RALGPS2: variants seen among roughly 807,000 people sequenced by gnomAD.
RALGPS2 encodes Ral GEF with PH domain and SH3 binding motif 2, also known as ras-specific guanine nucleotide-releasing factor RalGPS2.
A neutral mutation model predicts 86.8 loss-of-function variants in RALGPS2; 43 were observed. The observed-to-expected ratio is 0.50, with a 90% CI of 0.39 to 0.64. The LOEUF is 0.64. RALGPS2 is among the 30% of genes least tolerant of loss of function. The pLI, the probability that RALGPS2 is intolerant of heterozygous loss-of-function variation, is 0.00. For missense variants in RALGPS2, 536 were observed against 694.6 expected, an observed-to-expected ratio of 0.77 and a Z score of 2.57; for synonymous variants, 243 against 231.3, an observed-to-expected ratio of 1.05 and a Z score of -0.46.
At chr1:178,734,735 A>G (rs1481147835) in intron 1 of RALGPS2, among the ~76,000 whole-genome samples, 2 of 152,232 alleles carry the variant, frequency 1.3e-5, no homozygotes, top group Non-Finnish European at 2.9e-5. Flanking sequence ...AATGTTGCAC[A>G]CTAAATGTAA....
At chr1:178,894,914 G>A (rs1659874320) in intron 16 of RALGPS2, among the ~76,000 whole-genome samples, 1 of 151,904 alleles carries the variant, frequency 6.6e-6, no homozygotes, top group Non-Finnish European at 1.5e-5. Context: ...TTAGTATTAA[G>A]TTTAGGTAAA....
chr1:178,788,837 CTTTCTTTCT>C lies in RALGPS2; in HGVS notation c.213+3238_213+3246del, dbSNP rs775858140. ...TCTTTTCTTTTCTTTTGTTTTCTTT[CTTTCTTTCT>C]TTTCTTTTCTTTTCTTTTCTTTTCT... On this transcript the variant is annotated intron_variant, in intron 4 of 19. Transcript: ENST00000367635. Among the ~76,000 whole-genome samples the C allele has an allele frequency of 1.5e-3, 184 of 123,200 alleles. 1 individual carries two copies. The highest frequency in any genetic ancestry group is 5.0e-3 in the African/African-American group (140 of 27,928). The allele number at this position is 123,200 out of a possible 152,430, so 80.8% of individuals were successfully genotyped here.
intron 1 of RALGPS2, among the ~76,000 whole-genome samples, chr1:178,729,093 A>G (rs1174640337): frequency 6.6e-6 from 1 of 152,134 alleles, no homozygotes; most frequent in Non-Finnish European, 1.5e-5. Flanking sequence ...AGTGTGAAAG[A>G]CTTGAATCTC....
intron 4 of RALGPS2, among the ~76,000 whole-genome samples, chr1:178,799,706 C>T (rs911925632): frequency 1.3e-5 from 2 of 152,138 alleles, no homozygotes; most frequent in Non-Finnish European, 2.9e-5. Context: ...AGCAATGCGC[C>T]TGGCCACCCA....
chr1:178,873,684 G>A (rs1489709959), intron 8 of RALGPS2, among the ~76,000 whole-genome samples: 3 of 152,060 alleles, frequency 2.0e-5, no homozygotes, highest in Non-Finnish European at 2.9e-5. Context: ...GTTGGGGGTG[G>A]GATGGGAGTA....
chr1:178,900,689 CAG>C (rs1660134575), intron 17 of RALGPS2, among the ~76,000 whole-genome samples: 1 of 151,904 alleles, frequency 6.6e-6, no homozygotes, highest in South Asian at 2.1e-4. Context: ...AAACACAAGT[CAG>C]AGTGTAAATA....
At chr1:178,772,945 G>A (rs1025963025) in intron 1 of RALGPS2, among the ~76,000 whole-genome samples, 1 of 152,104 alleles carries the variant, frequency 6.6e-6, no homozygotes, top group Non-Finnish European at 1.5e-5. Flanking sequence ...GGGATTACAG[G>A]CACGTGCCAC....
chr1:178,894,736 G>A (rs565946757), intron 16 of RALGPS2, among the ~76,000 whole-genome samples: 3 of 152,060 alleles, frequency 2.0e-5, no homozygotes, highest in Admixed American at 2.0e-4. Flanking sequence ...GTACACATTT[G>A]TTTCACCATG....
At chr1:178,878,385 A>G (rs1462324794) in intron 9 of RALGPS2, among the ~76,000 whole-genome samples, 1 of 152,192 alleles carries the variant, frequency 6.6e-6, no homozygotes, top group East Asian at 1.9e-4. Flanking sequence ...TACTTTTTAG[A>G]AAACCTCAAA....
chr1:178,878,850 G>A, intron 9 of RALGPS2, 52 bp from the exon 10 acceptor site: 3 of 1,584,276 alleles, frequency 1.9e-6, no homozygotes, highest in Non-Finnish European at 1.7e-6. Context: ...AATTTTTAAA[G>A]TTCTGGTTAA....
At chr1:178,879,210 C>T (rs1388497146) in intron 10 of RALGPS2, 8 of 486,932 alleles carry the variant, frequency 1.6e-5, no homozygotes, top group Middle Eastern at 6.0e-4. Context: ...TATTTTATCT[C>T]TGTTTGTAGA....
In RALGPS2 at chr1:178,725,257, GAGCGGCAGCGGC is replaced by G. The variant is rs1649893651; in HGVS notation, c.-245_-234del. 2.8e-5 allele frequency: 1 copy of G among 35,790 alleles called. No individual in the cohort carries two copies. The highest frequency in any genetic ancestry group is 9.6e-5 in the African/African-American group (1 of 10,412). 2.2% of individuals were successfully genotyped at this position (35,790 alleles called of 1,614,324 possible). A position where few individuals can be genotyped will look rare whatever the true frequency, so the allele number is the denominator to read the frequency against. ...TGGTTCCAGCTCACTCTCCTCCCCC[GAGCGGCAGCGGC>G]GGCGGCGGCGGCGGCTGCTGCGGGC... On this transcript the variant is annotated 5_prime_UTR_variant, in exon 1 of 20. Coordinates refer to ENST00000367635, the MANE Select transcript of RALGPS2 (RefSeq NM_152663.5).
chr1:178,777,766 A>G (rs1653169502), intron 2 of RALGPS2, among the ~76,000 whole-genome samples: 1 of 152,144 alleles, frequency 6.6e-6, no homozygotes, highest in South Asian at 2.1e-4. Context: ...GATCTTTGAC[A>G]AACCTGAGAA....
chr1:178,850,470 A>G (rs1657098280), intron 8 of RALGPS2: 1 of 152,060 alleles, frequency 6.6e-6, no homozygotes. Flanking sequence ...GTCTTTATAA[A>G]TTGACCATTT....
At chr1:178,902,322 T>C in intron 18 of RALGPS2, 111 bp downstream of exon 18, 1 of 771,406 alleles carries the variant, frequency 1.3e-6, no homozygotes, top group Non-Finnish European at 2.0e-6. Context: ...TATGCATACA[T>C]GAAGAACTTG....
intron 14 of RALGPS2, among the ~76,000 whole-genome samples, chr1:178,891,438 T>G (rs112591232): frequency 2.0e-5 from 3 of 152,156 alleles, no homozygotes; most frequent in African/African-American, 7.2e-5. Context: ...TTGTCTTATT[T>G]TCTAGACAGA....
chr1:178,832,739 C>CT (rs1281357534), intron 7 of RALGPS2, among the ~76,000 whole-genome samples: 3 of 149,896 alleles, frequency 2.0e-5, no homozygotes, highest in Admixed American at 6.6e-5. Context: ...AAACTATTTC[C>CT]TGAACCTTTT....
intron 8 of RALGPS2, among the ~76,000 whole-genome samples, chr1:178,846,129 A>G (rs1439522911): frequency 6.6e-6 from 1 of 152,208 alleles, no homozygotes; most frequent in East Asian, 1.9e-4. Context: ...TATTCAGATA[A>G]TTTCAACAAA....
rs56701736 is a variant in RALGPS2 at position 178,914,876 on chromosome 1, C to T, written c.1723-1454C>T. Among the ~76,000 whole-genome samples the T allele has an allele frequency of 8.5e-3, 1,301 of 152,238 alleles. 17 individuals are homozygous for T. The highest frequency in any genetic ancestry group is 0.029 in the African/African-American group (1,204 of 41,530). On this transcript the variant is annotated intron_variant, in intron 19 of 19. Transcript: ENST00000367635. ...ATGAAAGAAACAGATCAGGCTTTGT[C>T]TAGACTAAGCCTTTCAGGATTCACC...
Sources: allele counts gnomAD v4.1 joint callset (sites outside exome capture counted in the v4.1 genomes callset), GRCh38; gene constraint gnomAD v4.1.1; transcripts MANE v1.5; gene names NCBI Gene and HGNC (gene_info 2026-07-23, HGNC 2026-07-21).